The following MFSD6 variants were observed in gnomAD, a reference collection of about 807,000 sequenced individuals.
MFSD6 encodes major facilitator superfamily domain containing 6, also known as major facilitator superfamily domain-containing protein 6.
In MFSD6, 26 loss-of-function variants were observed where a neutral mutation model predicts 56.3. That is an observed-to-expected ratio of 0.46 (90% CI 0.34 to 0.64). MFSD6 has a LOEUF of 0.64. Among genes scored for constraint, MFSD6 ranks in the 30% least tolerant of loss-of-function variants. The probability of loss-of-function intolerance (pLI) is 0.01; values close to 1 mark genes in which losing one functional copy is unlikely to be tolerated. For synonymous variants in MFSD6, 331 were observed against 366.9 expected, an observed-to-expected ratio of 0.90 and a Z score of 1.12; for missense variants, 750 against 986.2, an observed-to-expected ratio of 0.76 and a Z score of 3.21.
Position 190,488,613 on chromosome 2 carries a change from G to A in MFSD6, c.1631-44G>A. On this transcript the variant is annotated intron_variant, in intron 4 of 7. Transcript: ENST00000392328. This position sits in a 1 kb window ranked among gnomAD's most constrained non-coding sequence, Gnocchi z 6.4. The stretch of plus-strand genomic sequence containing the variant: ...CACATTTCAAAACAGAGTAGCCTAA[G>A]AAATGCTAACCAACTAATCCCTCCT... 1 of 1,404,096 alleles carries A rather than the reference G, an allele frequency of 7.1e-7. No individual in the cohort carries two copies. The highest frequency in any genetic ancestry group is 9.4e-7 in the Non-Finnish European group (1 of 1,068,132). The allele number at this position is 1,404,096 out of a possible 1,614,324, so 87.0% of individuals were successfully genotyped here. A position where few individuals can be genotyped will look rare whatever the true frequency, so the allele number is the denominator to read the frequency against.
At position 190,499,841 on chromosome 2, in the gene MFSD6, G is replaced by A. The variant is rs1268953058; in HGVS notation, c.2173-174G>A. 5 of 1,544,880 alleles carry A rather than the reference G, an allele frequency of 3.2e-6. No individual in the cohort carries two copies. The highest frequency in any genetic ancestry group is 2.4e-5 in the South Asian group (2 of 83,204). On this transcript the variant is annotated intron_variant, in intron 7 of 7. Coordinates refer to ENST00000392328, the MANE Select transcript of MFSD6 (RefSeq NM_017694.4). This position sits in a 1 kb window ranked among gnomAD's most constrained non-coding sequence, Gnocchi z 6.0. Reference sequence around the variant, plus strand: ...CATGCGGCTCTGGCAGTTGCACATAGGAAAGGAGATGAAAGGTAAGACATT... The same window carrying A: ...CATGCGGCTCTGGCAGTTGCACATAAGAAAGGAGATGAAAGGTAAGACATT...
intron 3 of MFSD6, among the ~76,000 whole-genome samples, chr2:190,441,934 G>A (rs1220241266): frequency 6.6e-6 from 1 of 152,134 alleles, no homozygotes; most frequent in Non-Finnish European, 1.5e-5. Context: ...TCAGATTGGT[G>A]CCTGCCTCTG....
rs900971227 is a variant in MFSD6, at chr2:190,410,286, A to T, written c.-176+1783A>T. Among the ~76,000 whole-genome samples the T allele has an allele frequency of 3.2e-4, 49 of 152,186 alleles. No homozygotes were observed. Among genetic ancestry groups the T allele is most frequent in the Non-Finnish European group, 7.4e-5 (5 of 68,026 alleles). On this transcript the variant is annotated intron_variant, in intron 1 of 7. Transcript: ENST00000392328. This position sits in a 1 kb window ranked among gnomAD's most constrained non-coding sequence, Gnocchi z 4.4. The stretch of plus-strand genomic sequence containing the variant: ...ATAAATCTTTCCCCTAGTTCTGTGC[A>T]TGACAAAAAGGAAGCTCAGAAGGGT...
Position 190,463,126 on chromosome 2 carries a change from A to G in MFSD6, c.1533-6632A>G, listed in dbSNP as rs59929070. Among the ~76,000 whole-genome samples, 27,513 of 152,218 alleles carry G rather than the reference A, an allele frequency of 0.18. 2,630 individuals are homozygous for G. The highest frequency in any genetic ancestry group is 0.29 in the East Asian group (1,489 of 5,174). ...ACCCTATTCTGCTAGTGAGGGACAC[A>G]GAAATCCTGGCAAGATATCCACAGT... On this transcript the variant is annotated intron_variant, in intron 3 of 7. Transcript: ENST00000392328. This position sits in a 1 kb window ranked among gnomAD's most constrained non-coding sequence, Gnocchi z 4.4.
intron 2 of MFSD6, among the ~76,000 whole-genome samples, chr2:190,427,412 CGAAGTT>C (rs1685815453): frequency 2.0e-5 from 3 of 151,932 alleles, no homozygotes; most frequent in Non-Finnish European, 4.4e-5. Context: ...TGGCTGCAGT[CGAAGTT>C]ATTATCTAAA....
chr2:190,422,331 A>G (rs974416292), intron 2 of MFSD6, among the ~76,000 whole-genome samples: 6 of 152,110 alleles, frequency 3.9e-5, no homozygotes, highest in Non-Finnish European at 1.5e-5. Context: ...TGGGATCTCC[A>G]GTTCTGTCAT....
rs1022623568 is a variant in MFSD6, at chr2:190,495,604, A to G, written c.1892-1835A>G. Among the ~76,000 whole-genome samples, 2 of 152,206 alleles carry G rather than the reference A, an allele frequency of 1.3e-5. No individual in the cohort carries two copies. Among genetic ancestry groups the G allele is most frequent in the African/African-American group, 2.4e-5 (1 of 41,464 alleles). On this transcript the variant is annotated intron_variant, in intron 6 of 7. Coordinates refer to ENST00000392328, the MANE Select transcript of MFSD6 (RefSeq NM_017694.4). This position sits in a 1 kb window ranked among gnomAD's most constrained non-coding sequence, Gnocchi z 4.7. Reference sequence around the variant, plus strand: ...ACTACCTGATTTCAAACTATACTATAAGGCCATAGTCACCAAAACAGCATG... The same window carrying G: ...ACTACCTGATTTCAAACTATACTATGAGGCCATAGTCACCAAAACAGCATG...
In MFSD6 at chr2:190,457,462, A is replaced by G. The variant is rs1401370347; in HGVS notation, c.1533-12296A>G. 2.0e-5 allele frequency among the ~76,000 whole-genome samples: 3 copies of G among 152,206 alleles called. No homozygotes were observed. Among genetic ancestry groups the G allele is most frequent in the Admixed American group, 1.3e-4 (2 of 15,284 alleles). On this transcript the variant is annotated intron_variant, in intron 3 of 7. Transcript: ENST00000392328. The surrounding 1 kb of genome is among the most constrained non-coding windows in gnomAD (Gnocchi z 5.1). ...CGTGTTTTTTGCTGACAAGTCAAAA[A>G]TGTGCACAAAGCCATTCAAACAGAC...
At chr2:190,409,906 G>T (rs1200532347) in intron 1 of MFSD6, among the ~76,000 whole-genome samples, 2 of 152,120 alleles carry the variant, frequency 1.3e-5, no homozygotes, top group Non-Finnish European at 2.9e-5. Context: ...GGATTGCTTA[G>T]GGGAAGGATG....
chr2:190,447,550 T>C lies in MFSD6; in HGVS notation c.1532+9989T>C, dbSNP rs1686629671. Among the ~76,000 whole-genome samples, 1 of 152,222 alleles carries C rather than the reference T, an allele frequency of 6.6e-6. No individual in the cohort carries two copies. Among genetic ancestry groups the C allele is most frequent in the Non-Finnish European group, 1.5e-5 (1 of 68,036 alleles). On this transcript the variant is annotated intron_variant, in intron 3 of 7. Coordinates refer to ENST00000392328, the MANE Select transcript of MFSD6 (RefSeq NM_017694.4). This position sits in a 1 kb window ranked among gnomAD's most constrained non-coding sequence, Gnocchi z 4.5. ...ACCTAGTGATATAAAGAAGCCACAT[T>C]AAAAAATAAATTGCTTATATACTTC...
chr2:190,481,231 A>T (rs1412988820), intron 4 of MFSD6, among the ~76,000 whole-genome samples: 1 of 152,260 alleles, frequency 6.6e-6, no homozygotes, highest in East Asian at 1.9e-4. Context: ...TAATGCCAGC[A>T]TGTAAAAATT....
rs1417419346 is a variant in MFSD6 at position 190,489,277 on chromosome 2, T to C, written c.1792+459T>C. Among the ~76,000 whole-genome samples the C allele has an allele frequency of 6.6e-6, 1 of 152,238 alleles. No individual in the cohort carries two copies. Among genetic ancestry groups the C allele is most frequent in the Non-Finnish European group, 1.5e-5 (1 of 68,040 alleles). On this transcript the variant is annotated intron_variant, in intron 5 of 7. Transcript: ENST00000392328. The surrounding 1 kb of genome is among the most constrained non-coding windows in gnomAD (Gnocchi z 6.6). The stretch of plus-strand genomic sequence containing the variant: ...CAATATCTGTCTGTCTTGTCATATC[T>C]TCCTTATTAGAAACATAGGAGCTGA...
chr2:190,451,312 T>G lies in MFSD6; in HGVS notation c.1532+13751T>G, dbSNP rs751323382. ...ATACCTAACTTCATAGCATTGTCCT[T>G]AAGATTAAATGAGATAATGCTAGCA... On this transcript the variant is annotated intron_variant, in intron 3 of 7. Transcript: ENST00000392328. The surrounding 1 kb of genome is among the most constrained non-coding windows in gnomAD (Gnocchi z 5.0). Among the ~76,000 whole-genome samples the G allele has an allele frequency of 9.9e-5, 15 of 152,172 alleles. No individual in the cohort carries two copies. Among genetic ancestry groups the G allele is most frequent in the Non-Finnish European group, 1.6e-4 (11 of 68,028 alleles).
chr2:190,476,370 A>C (rs938487502), intron 4 of MFSD6, among the ~76,000 whole-genome samples: 10 of 152,226 alleles, frequency 6.6e-5, no homozygotes, highest in Admixed American at 5.9e-4. Flanking sequence ...AGAAAAAAAC[A>C]ACCCCATCAA....
intron 1 of MFSD6, chr2:190,411,339 T>C (rs1254366246): frequency 2.2e-6 from 1 of 451,904 alleles, no homozygotes; most frequent in Non-Finnish European, 2.9e-6. Flanking sequence ...TTTATTTTTT[T>C]AGTAGAGACG....
In MFSD6 at chr2:190,490,182, T is replaced by C. The variant is rs1689252497; in HGVS notation, c.1891+316T>C. On this transcript the variant is annotated intron_variant, in intron 6 of 7. Coordinates refer to ENST00000392328, the MANE Select transcript of MFSD6 (RefSeq NM_017694.4). The surrounding 1 kb of genome is among the most constrained non-coding windows in gnomAD (Gnocchi z 4.5). ...AAAGGTTTTTCAAATTTAAGTCAAATACATATAAGGCTATACAGTCATTTT... is the reference window on the plus strand; with the variant it reads ...AAAGGTTTTTCAAATTTAAGTCAAACACATATAAGGCTATACAGTCATTTT... Among the ~76,000 whole-genome samples, 1 of 151,976 alleles carries C rather than the reference T, an allele frequency of 6.6e-6. No individual in the cohort carries two copies. Among genetic ancestry groups the C allele is most frequent in the African/African-American group, 2.4e-5 (1 of 41,348 alleles).
chr2:190,408,275 G>T (rs1458398757), upstream of MFSD6: 1 of 151,634 alleles, frequency 6.6e-6, no homozygotes, highest in Admixed American at 6.6e-5. Flanking sequence ...CGGCGGGAGC[G>T]CTGGGCCCTC....
chr2:190,498,891 T>A lies in MFSD6; in HGVS notation c.2173-1124T>A, dbSNP rs1376389655. ...TGGGCTGGGCATGGTGGCTTATGCC[T>A]GTAATCCAAGCACTTTGGGAGGCCG... On this transcript the variant is annotated intron_variant, in intron 7 of 7. Transcript: ENST00000392328. The surrounding 1 kb of genome is among the most constrained non-coding windows in gnomAD (Gnocchi z 5.9). Among the ~76,000 whole-genome samples, 8 of 152,214 alleles carry A rather than the reference T, an allele frequency of 5.3e-5. No homozygotes were observed. The highest frequency in any genetic ancestry group is 1.9e-4 in the African/African-American group (8 of 41,456).
intron 2 of MFSD6, among the ~76,000 whole-genome samples, chr2:190,419,586 G>T (rs988375404): frequency 6.6e-6 from 1 of 152,192 alleles, no homozygotes; most frequent in African/African-American, 2.4e-5. Flanking sequence ...TATCATGTTT[G>T]TAAATCTAAC....
Sources: gnomAD v4.1 joint callset for allele counts (sites outside exome capture counted in the v4.1 genomes callset) on GRCh38, gnomAD v4.1.1 for gene constraint, Gnocchi (gnomAD v3.1) non-coding constraint, MANE v1.5 for transcripts, NCBI Gene and HGNC (gene_info 2026-07-23, HGNC 2026-07-21) for gene names.